ADRA1A: variants seen among roughly 807,000 people sequenced by gnomAD.
The protein encoded by ADRA1A is alpha-1A adrenergic receptor.
In ADRA1A, 31 loss-of-function variants were observed where a neutral mutation model predicts 29.6. The observed-to-expected ratio is 1.05, with a 90% CI of 0.79 to 1.41. ADRA1A has a LOEUF of 1.41. ADRA1A is among the 40% of genes most tolerant of loss of function. The pLI, the probability that ADRA1A is intolerant of heterozygous loss-of-function variation, is 0.00. For synonymous variants in ADRA1A, 311 were observed against 254.3 expected (o/e 1.22, Z -2.12); for missense variants, 619 against 601.1 (o/e 1.03, Z -0.31).
At chr8:26,834,894 A>G (rs1811235972) in intron 2 of ADRA1A, among the ~76,000 whole-genome samples, 1 of 152,150 alleles carries the variant, frequency 6.6e-6, no homozygotes, top group African/African-American at 2.4e-5. Flanking sequence ...GGGATTTTTG[A>G]TGCCACATAT....
rs1183094263 is a variant in ADRA1A, at chr8:26,864,633, A to G, written c.337T>C (p.Ser113Pro). ...GAGATGATGCAGAGGCCCATGATGG[A>G]CGCGGTGCAGCACAGCACATCCACT... ...AAVDVLCCTASIMGLCIISID... is the reference protein window; with the variant it reads ...AAVDVLCCTAPIMGLCIISID... Residue 113 changes from serine (S) to proline (P), a missense_variant, in exon 2 of 3, where the codon TCC becomes CCC. Coordinates refer to ENST00000380573, the MANE Select transcript of ADRA1A (RefSeq NM_000680.4). This position sits in a 1 kb window ranked among gnomAD's most constrained non-coding sequence, Gnocchi z 8.1. 1 of 1,614,120 alleles carries G rather than the reference A, an allele frequency of 6.2e-7. No individual in the cohort carries two copies. The highest frequency in any genetic ancestry group is 1.1e-5 in the South Asian group (1 of 91,076).
chr8:26,836,657 A>G (rs575962982), intron 2 of ADRA1A, among the ~76,000 whole-genome samples: 1 of 152,346 alleles, frequency 6.6e-6, no homozygotes, highest in Admixed American at 6.5e-5. Context: ...CCAAAGTGAT[A>G]TTGTTGGTCT....
chr8:26,832,473 C>A (rs1002274959), intron 2 of ADRA1A, among the ~76,000 whole-genome samples: 1 of 152,110 alleles, frequency 6.6e-6, no homozygotes, highest in Non-Finnish European at 1.5e-5. Context: ...AGACTACAGA[C>A]ACCGTTCAGA....
rs1874426 is a variant in ADRA1A, at chr8:26,787,755, G to A, written c.884-17089C>T. Among the ~76,000 whole-genome samples, 51,005 of 151,586 alleles carry A rather than the reference G, an allele frequency of 0.34. 9,852 individuals are homozygous for A. The highest frequency in any genetic ancestry group is 0.84 in the East Asian group (4,292 of 5,114). On this transcript the variant is annotated intron_variant, in intron 2 of 2. Coordinates refer to ENST00000380573, the MANE Select transcript of ADRA1A (RefSeq NM_000680.4). The surrounding 1 kb of genome is among the most constrained non-coding windows in gnomAD (Gnocchi z 4.2). The stretch of plus-strand genomic sequence containing the variant: ...TGAGGGCAAGATTGTTCCCTTTTCT[G>A]TGCCTCAGTTTCCTGGCACACGTAA...
In ADRA1A at chr8:26,781,461, T is replaced by A. The variant is rs373006261; in HGVS notation, c.884-10795A>T. 2.0e-5 allele frequency among the ~76,000 whole-genome samples: 3 copies of A among 152,334 alleles called. No homozygotes were observed. In the East Asian group the frequency reaches 5.8e-4, roughly 29 times the overall value. ...TTGGTTGATGGAAGAAAACAACATT[T>A]TGAACACAGCTCCTGCTTCAATTAC... On this transcript the variant is annotated intron_variant, in intron 2 of 2. Transcript: ENST00000380573.
exon 3 of ADRA1A, chr8:26,756,712 CCCTT>C: frequency 6.2e-7 from 1 of 1,614,036 alleles, no homozygotes; most frequent in Non-Finnish European, 8.5e-7. Context: ...TTTCATGCTC[CCCTT>C]CCTTGGGCAG....
intron 2 of ADRA1A, among the ~76,000 whole-genome samples, chr8:26,852,688 A>T (rs1029963754): frequency 6.6e-6 from 1 of 152,186 alleles, no homozygotes; most frequent in Admixed American, 6.5e-5. Context: ...TTGCATCCAT[A>T]AAAGGAGCTG....
At chr8:26,832,897 C>T (rs1811091426) in intron 2 of ADRA1A, among the ~76,000 whole-genome samples, 1 of 152,110 alleles carries the variant, frequency 6.6e-6, no homozygotes, top group Admixed American at 6.5e-5. Flanking sequence ...ATGTTGGCTG[C>T]CTGCAGGAAG....
intron 2 of ADRA1A, among the ~76,000 whole-genome samples, chr8:26,800,911 T>C (rs1236001362): frequency 6.6e-6 from 1 of 152,078 alleles, no homozygotes; most frequent in African/African-American, 2.4e-5. Context: ...CAACAACATA[T>C]TAAAAAGATT....
chr8:26,837,040 T>C (rs1811423725), intron 2 of ADRA1A, among the ~76,000 whole-genome samples: 1 of 152,054 alleles, frequency 6.6e-6, no homozygotes, highest in Admixed American at 6.5e-5. Flanking sequence ...AACTGGGTAA[T>C]GGGCCCTCAC....
At chr8:26,830,468 G>T (rs1370660806) in intron 2 of ADRA1A, among the ~76,000 whole-genome samples, 1 of 152,110 alleles carries the variant, frequency 6.6e-6, no homozygotes, top group Non-Finnish European at 1.5e-5. Flanking sequence ...CACATGACTG[G>T]ACCACAGGGA....
chr8:26,760,215 C>T (rs1031267592), intron 2 of ADRA1A, among the ~76,000 whole-genome samples: 2 of 152,126 alleles, frequency 1.3e-5, no homozygotes, highest in Non-Finnish European at 2.9e-5. Context: ...ATACAAGGGT[C>T]TTGGGTTGGG....
In ADRA1A at chr8:26,803,617, G is replaced by A. The variant is rs999370617; in HGVS notation, c.884-32951C>T. 1.1e-4 allele frequency among the ~76,000 whole-genome samples: 17 copies of A among 152,162 alleles called. No homozygotes were observed. The East Asian group carries it at 2.9e-3, about 26-fold the overall frequency. On this transcript the variant is annotated intron_variant, in intron 2 of 2. Coordinates refer to ENST00000380573, the MANE Select transcript of ADRA1A (RefSeq NM_000680.4). ...GCAAACTTCTGCTCATCAAAAGATG[G>A]CATTAACAAAATAGACAAAACACAG...
At chr8:26,824,352 C>T (rs573695214) in intron 2 of ADRA1A, among the ~76,000 whole-genome samples, 91 of 152,058 alleles carry the variant, frequency 6.0e-4, no homozygotes, top group Admixed American at 1.4e-3. Flanking sequence ...CTAGAGTCTC[C>T]GTGTCAGCCC....
At chr8:26,753,022 A>G (rs944262351), downstream of ADRA1A, among the ~76,000 whole-genome samples, 7 of 152,190 alleles carry the variant, frequency 4.6e-5, no homozygotes, top group Non-Finnish European at 8.8e-5. Context: ...AGGAGCCTAT[A>G]ACAGCTGCCA....
chr8:26,792,613 C>G (rs2130431563), intron 2 of ADRA1A, among the ~76,000 whole-genome samples: 1 of 148,652 alleles, frequency 6.7e-6, no homozygotes, highest in African/African-American at 2.5e-5. Context: ...TCAGTACTTT[C>G]TCACTCATGC....
At chr8:26,760,658 C>G (rs1403876986) in intron 2 of ADRA1A, among the ~76,000 whole-genome samples, 1 of 152,178 alleles carries the variant, frequency 6.6e-6, no homozygotes, top group Non-Finnish European at 1.5e-5. Flanking sequence ...CAAGATTGGG[C>G]TCTGCTGTTG....
chr8:26,834,177 C>T (rs752952781), intron 2 of ADRA1A, among the ~76,000 whole-genome samples: 1 of 152,158 alleles, frequency 6.6e-6, no homozygotes, highest in Admixed American at 6.5e-5. Flanking sequence ...CCAAGGGATA[C>T]ATTTAATAAG....
In ADRA1A at chr8:26,864,105, A is replaced by C; in HGVS notation, c.865T>G (p.Phe289Val). Residue 289 changes from phenylalanine to valine, a missense_variant, in exon 2 of 3, where the codon TTC (phenylalanine) becomes GTC (valine). By Grantham distance (50) the Phe-to-Val change is conservative. Transcript: ENST00000380573. The surrounding 1 kb of genome is among the most constrained non-coding windows in gnomAD (Gnocchi z 8.1). ...GACTTACCAATGGGCATGACTAAGAAAAAAGGCAGCCAGCAGAGGACGAAG... is the reference window on the plus strand; with the variant it reads ...GACTTACCAATGGGCATGACTAAGACAAAAGGCAGCCAGCAGAGGACGAAG... ...GCFVLCWLPF[F>V]LVMPIGSFFP... The C allele has an allele frequency of 6.2e-7, 1 of 1,613,696 alleles. No individual in the cohort carries two copies. Among genetic ancestry groups the C allele is most frequent in the Non-Finnish European group, 8.5e-7 (1 of 1,179,868 alleles).
Sources: allele counts gnomAD v4.1 joint callset (sites outside exome capture counted in the v4.1 genomes callset), GRCh38; gene constraint gnomAD v4.1.1; non-coding constraint Gnocchi (gnomAD v3.1); transcripts MANE v1.5; gene names NCBI Gene and HGNC (gene_info 2026-07-23, HGNC 2026-07-21).